Variants in BAZ2B observed in about 807,000 individuals in gnomAD.
BAZ2B encodes the protein bromodomain adjacent to zinc finger domain protein 2B.
In BAZ2B, 91 loss-of-function variants were observed where a neutral mutation model predicts 246.0. That is an observed-to-expected ratio of 0.37 (90% confidence interval 0.31 to 0.44). The LOEUF (loss-of-function observed/expected upper bound fraction) is 0.44. Among genes scored for constraint, BAZ2B ranks in the 20% least tolerant of loss-of-function variants. BAZ2B has a pLI of 1.00. For missense variants in BAZ2B, 2,332 were observed against 2,533.7 expected (o/e 0.92, Z 1.71); for synonymous variants, 855 against 860.0 (o/e 0.99, Z 0.10).
intron 27 of BAZ2B, among the ~76,000 whole-genome samples, chr2:159,368,858 T>TAAAAAAAAAAAA (rs58161936): frequency 1.6e-5 from 2 of 123,870 alleles, no homozygotes; most frequent in African/African-American, 3.4e-5. Flanking sequence ...CTGAAAGGCC[T>TAAAAAAAAAAAA]AAAAAAAAAA....
At chr2:159,701,638 TATATA>T in the BAZ2B span, among the ~76,000 whole-genome samples, 1 of 147,996 alleles carries the variant, frequency 6.8e-6, no homozygotes, top group South Asian at 2.1e-4. Context: ...TATATATGTA[TATATA>T]ATATATATTT....
rs149179209 is a variant in BAZ2B at position 159,575,269 on chromosome 2, C to T, written c.-45-19404G>A. Among the ~76,000 whole-genome samples, 562 of 152,064 alleles carry T rather than the reference C, an allele frequency of 3.7e-3. 4 individuals carry two copies. Among genetic ancestry groups the T allele is most frequent in the African/African-American group, 0.013 (522 of 41,476 alleles). ...CCTTCCCTCATTCATACCAGGGTTA[C>T]TCCAGCCTGGGCGACAGAGCAACAC... On this transcript the variant is annotated intron_variant, in intron 1 of 36. Transcript: ENST00000392783.
chr2:159,626,671 T>A, the BAZ2B span, among the ~76,000 whole-genome samples: 1 of 152,112 alleles, frequency 6.6e-6, no homozygotes, highest in East Asian at 1.9e-4. Flanking sequence ...TAAAGCAGTG[T>A]GTAGAGGGAA....
intron 8 of BAZ2B, chr2:159,433,589 T>G: frequency 2.5e-6 from 1 of 405,342 alleles, no homozygotes; most frequent in East Asian, 4.2e-5. Context: ...AAAAATTATA[T>G]GCCTTTTGAC....
intron 6 of BAZ2B, among the ~76,000 whole-genome samples, chr2:159,440,571 C>T (rs943549896): frequency 6.8e-6 from 1 of 146,668 alleles, no homozygotes; most frequent in African/African-American, 2.5e-5. Flanking sequence ...GGCTGGAGTA[C>T]AGTGGCACGA....
chr2:159,615,715 C>T (rs748843396), intron 1 of BAZ2B: 2 of 152,272 alleles, frequency 1.3e-5, no homozygotes, highest in Non-Finnish European at 2.9e-5. Context: ...TAGGAACGGC[C>T]ATCGCAACGC....
chr2:159,648,131 T>C, the BAZ2B span, among the ~76,000 whole-genome samples: 1 of 151,652 alleles, frequency 6.6e-6, no homozygotes, highest in African/African-American at 2.4e-5. Context: ...ATTTGTTTGT[T>C]TATTTATTTA....
intron 2 of BAZ2B, among the ~76,000 whole-genome samples, chr2:159,528,374 T>TA (rs1191922689): frequency 1.3e-5 from 2 of 152,066 alleles, no homozygotes; most frequent in African/African-American, 4.8e-5. Flanking sequence ...TAGTCTTTGT[T>TA]AAAAACAGGC....
At chr2:159,514,422 C>T (rs2083238188) in intron 2 of BAZ2B, among the ~76,000 whole-genome samples, 1 of 152,154 alleles carries the variant, frequency 6.6e-6, no homozygotes, top group Admixed American at 6.5e-5. Context: ...CTGCAGGCTC[C>T]TTGAGACAAG....
chr2:159,497,530 A>G (rs1325162008), intron 2 of BAZ2B, among the ~76,000 whole-genome samples: 1 of 152,156 alleles, frequency 6.6e-6, no homozygotes, highest in East Asian at 1.9e-4. Context: ...AGGAGACAAG[A>G]GTTGGCCAGA....
the BAZ2B span, among the ~76,000 whole-genome samples, chr2:159,642,751 G>C: frequency 6.6e-6 from 1 of 152,120 alleles, no homozygotes; most frequent in Non-Finnish European, 1.5e-5. Context: ...ATCAAGAGTA[G>C]GATGAACAGT....
intron 31 of BAZ2B, among the ~76,000 whole-genome samples, chr2:159,338,586 A>G (rs1318977891): frequency 6.6e-6 from 1 of 152,126 alleles, no homozygotes; most frequent in South Asian, 2.1e-4. Context: ...AAGATTTCCT[A>G]TTCTTTAGGA....
intron 2 of BAZ2B, among the ~76,000 whole-genome samples, chr2:159,486,895 G>A (rs2079903152): frequency 6.6e-6 from 1 of 151,986 alleles, no homozygotes; most frequent in African/African-American, 2.4e-5. Flanking sequence ...AATATAAAGA[G>A]CAAGGTGGTG....
intron 20 of BAZ2B, among the ~76,000 whole-genome samples, chr2:159,391,198 C>A (rs1559229896): frequency 6.6e-6 from 1 of 152,098 alleles, no homozygotes; most frequent in South Asian, 2.1e-4. Flanking sequence ...ATATCTCTTA[C>A]TGATTTGAAA....
intron 14 of BAZ2B, among the ~76,000 whole-genome samples, chr2:159,406,956 G>A (rs1043301196): frequency 2.6e-5 from 4 of 151,626 alleles, no homozygotes; most frequent in Admixed American, 6.6e-5. Context: ...GGGTTTCACC[G>A]TGTTAGACAG....
At chr2:159,710,504 G>C in the BAZ2B span, among the ~76,000 whole-genome samples, 1 of 152,062 alleles carries the variant, frequency 6.6e-6, no homozygotes, top group Non-Finnish European at 1.5e-5. Flanking sequence ...CACGGCGCCC[G>C]GCTGCAAAAT....
rs1281476564 is a variant in BAZ2B at position 159,433,268 on chromosome 2, T to G, written c.1389A>C (p.Ala463=). ...TTGGATGTGCTGGTGAACTAGAGGTTGCTTTTGGATTTGACAAAGCTGCAA... is the reference window on the plus strand; with the variant it reads ...TTGGATGTGCTGGTGAACTAGAGGTGGCTTTTGGATTTGACAAAGCTGCAA... ...KVIAALSNPK[A]TSSSPAHPKQ... is the part of the protein sequence containing the mutation. Residue 463 remains alanine (A), a synonymous_variant, in exon 9 of 37, where the codon GCA becomes GCC. Transcript: ENST00000392783. 6.2e-7 allele frequency: 1 copy of G among 1,614,176 alleles called. No individual in the cohort carries two copies. The highest frequency in any genetic ancestry group is 1.7e-5 in the Admixed American group (1 of 60,026).
At chr2:159,361,774 C>T (rs2059721880) in intron 27 of BAZ2B, among the ~76,000 whole-genome samples, 1 of 152,100 alleles carries the variant, frequency 6.6e-6, no homozygotes, top group Admixed American at 6.5e-5. Context: ...ACTATGCAGC[C>T]ATAAAAAAGG....
intron 18 of BAZ2B, among the ~76,000 whole-genome samples, chr2:159,397,903 T>C (rs977647456): frequency 6.6e-6 from 1 of 152,118 alleles, no homozygotes; most frequent in Non-Finnish European, 1.5e-5. Context: ...TGACAAAAAC[T>C]AGGCAATCAG....
Sources: gnomAD v4.1 joint callset for allele counts (sites outside exome capture counted in the v4.1 genomes callset) on GRCh38, gnomAD v4.1.1 for gene constraint, MANE v1.5 for transcripts, NCBI Gene and HGNC (gene_info 2026-07-23, HGNC 2026-07-21) for gene names.